The following ADGRL3 variants were observed in gnomAD, a reference collection of about 807,000 sequenced individuals.
ADGRL3 encodes adhesion G protein-coupled receptor L3, also known as calcium-independent alpha-latrotoxin receptor 3.
In ADGRL3, 62 loss-of-function variants were observed where a neutral mutation model predicts 153.5. That is an observed-to-expected ratio of 0.40 (90% confidence interval 0.33 to 0.50). The LOEUF is 0.50. ADGRL3 is among the 20% of genes least tolerant of loss of function. The pLI is 0.47. For missense variants in ADGRL3, 1,641 were observed against 1,859.4 expected (o/e 0.88, Z 2.16); for synonymous variants, 710 against 672.5 (o/e 1.06, Z -0.86).
chr4:61,612,467 T>C (rs1560934487), intron 5 of ADGRL3, among the ~76,000 whole-genome samples: 1 of 152,194 alleles, frequency 6.6e-6, no homozygotes, highest in African/African-American at 2.4e-5. Context: ...TTTTAGTTAT[T>C]TGTTGGATCA....
intron 11 of ADGRL3, 94 bp from the exon 12 acceptor site, chr4:61,909,466 G>T: frequency 2.5e-6 from 2 of 798,148 alleles, no homozygotes; most frequent in Non-Finnish European, 3.9e-6. Flanking sequence ...TTGAATCGAT[G>T]ATTACAATTA....
chr4:61,775,466 A>G, intron 8 of ADGRL3: 1 of 724,178 alleles, frequency 1.4e-6, no homozygotes, highest in Non-Finnish European at 2.5e-6. Context: ...TTGCATTTGA[A>G]GTACTCTTCG....
At chr4:61,849,991 C>T (rs1036345668) in intron 9 of ADGRL3, among the ~76,000 whole-genome samples, 15 of 152,102 alleles carry the variant, frequency 9.9e-5, no homozygotes, top group African/African-American at 3.4e-4. Flanking sequence ...AGATTTGAGG[C>T]ATTGTTAAGA....
At chr4:61,974,016 G>C (rs1380383387) in intron 17 of ADGRL3, among the ~76,000 whole-genome samples, 1 of 152,080 alleles carries the variant, frequency 6.6e-6, no homozygotes, top group Non-Finnish European at 1.5e-5. Context: ...CACCCAGGTT[G>C]GAGTGCAGTG....
At chr4:61,216,928 A>G (rs1301811663) in intron 1 of ADGRL3, among the ~76,000 whole-genome samples, 2 of 152,200 alleles carry the variant, frequency 1.3e-5, no homozygotes, top group African/African-American at 4.8e-5. Flanking sequence ...ACATTTTATT[A>G]TTTGTGTTAA....
At chr4:61,289,820 G>A (rs974271096) in intron 1 of ADGRL3, among the ~76,000 whole-genome samples, 1 of 151,996 alleles carries the variant, frequency 6.6e-6, no homozygotes, top group Non-Finnish European at 1.5e-5. Context: ...AGAAAACCTG[G>A]CTCACTACTT....
intron 6 of ADGRL3, among the ~76,000 whole-genome samples, chr4:61,723,749 GCAT>G: frequency 6.6e-6 from 1 of 152,130 alleles, no homozygotes; most frequent in Non-Finnish European, 1.5e-5. Flanking sequence ...CTATTTCCCA[GCAT>G]TTGCATATCA....
intron 17 of ADGRL3, among the ~76,000 whole-genome samples, chr4:61,968,227 C>A (rs10003942): frequency 0.017 from 2,602 of 152,212 alleles, 79 homozygotes; most frequent in African/African-American, 0.06. Context: ...AACTTGACTG[C>A]CCTTTTCTGG....
chr4:61,366,577 T>C (rs886929578), intron 1 of ADGRL3, among the ~76,000 whole-genome samples: 2 of 152,340 alleles, frequency 1.3e-5, no homozygotes, highest in South Asian at 2.1e-4. Context: ...GGATCCTAAA[T>C]TGGCTTAATT....
chr4:61,912,932 T>G (rs2098728634), intron 13 of ADGRL3, among the ~76,000 whole-genome samples, 175 bp downstream of exon 13: 1 of 152,084 alleles, frequency 6.6e-6, no homozygotes, highest in Non-Finnish European at 1.5e-5. Context: ...CAATGCTCTG[T>G]CAAACAAGAG....
At position 61,847,764 on chromosome 4, in the gene ADGRL3, AAT is replaced by A. The variant is rs1554046057; in HGVS notation, c.1480+33885_1480+33886del. On this transcript the variant is annotated intron_variant, in intron 9 of 26. Transcript: ENST00000683033. ...ACAAAATATATTATATATAATACAA[AAT>A]ATATATATAATACAAAATATATTAT... Among the ~76,000 whole-genome samples the A allele has an allele frequency of 9.1e-3, 327 of 35,858 alleles. 14 individuals are homozygous for A. The highest frequency in any genetic ancestry group is 9.4e-3 in the Non-Finnish European group (204 of 21,670). 23.5% of individuals were successfully genotyped at this position (35,858 alleles called of 152,430 possible). A position where few individuals can be genotyped will look rare whatever the true frequency, so the allele number is the denominator to read the frequency against.
At chr4:61,693,902 G>A (rs901754320) in intron 6 of ADGRL3, among the ~76,000 whole-genome samples, 2 of 152,030 alleles carry the variant, frequency 1.3e-5, no homozygotes, top group Middle Eastern at 3.2e-3. Context: ...TGTCAAGGCA[G>A]TTAATAACTT....
chr4:61,839,368 A>G (rs1251302197), intron 9 of ADGRL3, among the ~76,000 whole-genome samples: 1 of 150,922 alleles, frequency 6.6e-6, no homozygotes, highest in Admixed American at 6.6e-5. Flanking sequence ...TTTTTTTTTT[A>G]ATTTTTTGTA....
rs746151191 is a variant in ADGRL3, at chr4:61,934,953, G to A, written c.2226G>A (p.Glu742=). The stretch of plus-strand genomic sequence containing the variant: ...CCACCATGTTGCTTCATACTGTGGA[G>A]GAAAGTGCTTTTGTGCTGGCTGATA... The part of the protein sequence containing the change: ...RAATMLLHTV[E]ESAFVLADNL... Residue 742 remains glutamate, a synonymous_variant, in exon 14 of 27, where the codon GAG becomes GAA. Coordinates refer to ENST00000683033, the MANE Select transcript of ADGRL3 (RefSeq NM_001387552.1). 1 of 1,613,744 alleles carries A rather than the reference G, an allele frequency of 6.2e-7. No individual in the cohort carries two copies. The highest frequency in any genetic ancestry group is 8.5e-7 in the Non-Finnish European group (1 of 1,179,834).
At chr4:61,657,873 A>C (rs2150512527) in intron 5 of ADGRL3, among the ~76,000 whole-genome samples, 1 of 152,300 alleles carries the variant, frequency 6.6e-6, no homozygotes, top group African/African-American at 2.4e-5. Flanking sequence ...GGACTGCAAT[A>C]AACATTGGAG....
chr4:61,344,952 A>G (rs62314362), intron 1 of ADGRL3, among the ~76,000 whole-genome samples: 1 of 149,038 alleles, frequency 6.7e-6, no homozygotes, highest in Non-Finnish European at 1.5e-5. Context: ...ATGCCTGGCT[A>G]ATTTTTTTTT....
In ADGRL3 at chr4:61,641,560, G is replaced by T. The variant is rs537044092; in HGVS notation, c.474-35266G>T. ...TGTTTGGTTTTTTGTTCTTGCGATA[G>T]TTTACTGAGAATGACGATTTCCAAT... is the stretch of plus-strand genomic sequence containing the variant. On this transcript the variant is annotated intron_variant, in intron 5 of 26. Coordinates refer to ENST00000683033, the MANE Select transcript of ADGRL3 (RefSeq NM_001387552.1). Among the ~76,000 whole-genome samples the T allele has an allele frequency of 4.0e-5, 6 of 151,524 alleles. No individual in the cohort carries two copies. In the East Asian group the frequency reaches 9.8e-4, roughly 25 times the overall value.
At chr4:61,467,266 T>A (rs1418822493) in intron 2 of ADGRL3, among the ~76,000 whole-genome samples, 2 of 152,180 alleles carry the variant, frequency 1.3e-5, no homozygotes, top group Non-Finnish European at 2.9e-5. Context: ...AACATCAATG[T>A]CAAAGCTTGT....
intron 13 of ADGRL3, among the ~76,000 whole-genome samples, chr4:61,927,679 T>G (rs2150058727): frequency 1.3e-5 from 2 of 152,266 alleles, no homozygotes; most frequent in South Asian, 4.1e-4. Flanking sequence ...ATAAACTGTT[T>G]TGAAGACACT....
Sources: gnomAD v4.1 joint callset for allele counts (sites outside exome capture counted in the v4.1 genomes callset) on GRCh38, gnomAD v4.1.1 for gene constraint, MANE v1.5 for transcripts, NCBI Gene and HGNC (gene_info 2026-07-23, HGNC 2026-07-21) for gene names.